Variants in TENT2 observed in about 807,000 individuals in gnomAD.
TENT2 encodes terminal nucleotidyltransferase 2, also known as poly(A) RNA polymerase GLD2.
In TENT2, 44 loss-of-function variants were observed where a neutral mutation model predicts 72.2. The observed-to-expected ratio is 0.61, with a 90% CI of 0.48 to 0.78. TENT2 has a LOEUF of 0.78. Ranked by LOEUF, TENT2 falls within the 30% of genes least tolerant of loss-of-function variation. The pLI, the probability that TENT2 is intolerant of heterozygous loss-of-function variation, is 0.00. For missense variants in TENT2, 541 were observed against 569.6 expected (o/e 0.95, Z 0.51); for synonymous variants, 212 against 192.5 (o/e 1.10, Z -0.84).
At chr5:79,678,847 C>A (rs543230083) in intron 12 of TENT2, among the ~76,000 whole-genome samples, 1 of 152,130 alleles carries the variant, frequency 6.6e-6, no homozygotes, top group East Asian at 1.9e-4. Flanking sequence ...ATTGTTACTG[C>A]GTTGTTAACT....
chr5:79,664,992 A>G (rs1806262577), intron 11 of TENT2, among the ~76,000 whole-genome samples: 2 of 152,202 alleles, frequency 1.3e-5, no homozygotes, highest in Admixed American at 6.5e-5. Context: ...TTATATACTT[A>G]CCTTGATCTC....
chr5:79,634,058 A>C (rs188816522), intron 4 of TENT2, among the ~76,000 whole-genome samples: 3 of 148,852 alleles, frequency 2.0e-5, no homozygotes, highest in East Asian at 2.0e-4. Flanking sequence ...AGTCCCAGCT[A>C]CTCGGGAGAA....
In TENT2 at chr5:79,679,587, G is replaced by T; in HGVS notation, c.1217G>T (p.Ser406Ile). 1 of 1,593,894 alleles carries T rather than the reference G, an allele frequency of 6.3e-7. No individual in the cohort carries two copies. Residue 406 changes from serine to isoleucine, a missense_variant, in exon 13 of 15, where the codon AGT (serine) becomes ATT (isoleucine). Transcript: ENST00000453514. ...KYYATEFDWNSQMISVREAKA... is the reference protein window; with the variant it reads ...KYYATEFDWNIQMISVREAKA... Reference sequence around the variant, plus strand: ...TGTTTTTCTTCTTATAGCTGGAATAGTCAAATGATTTCAGTTCGTGAAGCC... The same window carrying T: ...TGTTTTTCTTCTTATAGCTGGAATATTCAAATGATTTCAGTTCGTGAAGCC...
Position 79,623,326 on chromosome 5 carries a change from C to A in TENT2, c.302C>A (p.Thr101Asn), listed in dbSNP as rs1352738103. The A allele has an allele frequency of 9.9e-6, 16 of 1,613,504 alleles. No homozygotes were observed. The Admixed American group carries it at 2.3e-4, about 24-fold the overall frequency. ...QRFHSPHQEP[T>N]VVNQIVPLSG... ...TTCCATTCACCCCACCAAGAGCCAA[C>A]TGTAGTTAACCAGATAGTGCCTTTA... The change falls in exon 4 of 15, where the codon ACT (threonine) becomes AAT (asparagine). Residue 101 changes from threonine (T) to asparagine (N), a missense_variant. Thr to Asn is a moderately conservative substitution (Grantham distance 65). Transcript: ENST00000453514.
At chr5:79,618,701 G>A (rs986315124) in intron 1 of TENT2, among the ~76,000 whole-genome samples, 2 of 152,008 alleles carry the variant, frequency 1.3e-5, no homozygotes, top group Non-Finnish European at 2.9e-5. Flanking sequence ...AGAATATCAG[G>A]AGTCTAATTA....
At chr5:79,617,243 G>A (rs1760985567) in intron 1 of TENT2, among the ~76,000 whole-genome samples, 1 of 151,118 alleles carries the variant, frequency 6.6e-6, no homozygotes, top group South Asian at 2.1e-4. Flanking sequence ...TAAAACTTGT[G>A]ATATATAAAC....
intron 1 of TENT2, among the ~76,000 whole-genome samples, chr5:79,617,047 C>G (rs1393199916): frequency 2.0e-5 from 3 of 151,536 alleles, no homozygotes; most frequent in Non-Finnish European, 4.4e-5. Context: ...TTTTTCCAGC[C>G]CTCCTAGTCA....
chr5:79,679,712 G>A, intron 13 of TENT2, 42 bp downstream of exon 13: 1 of 1,143,840 alleles, frequency 8.7e-7, no homozygotes. Context: ...ATGGTACTAA[G>A]AGAATTACTT....
intron 1 of TENT2, among the ~76,000 whole-genome samples, chr5:79,618,154 T>TA (rs1235033143): frequency 2.0e-5 from 3 of 152,220 alleles, no homozygotes; most frequent in African/African-American, 7.2e-5. Flanking sequence ...TTCTTTCTAA[T>TA]ACATTTCCTC....
chr5:79,683,959 CTTTAATTT>C (rs1824510901), intron 14 of TENT2, among the ~76,000 whole-genome samples: 1 of 117,088 alleles, frequency 8.5e-6, no homozygotes, highest in South Asian at 2.8e-4. Flanking sequence ...AAAAGAAATT[CTTTAATTT>C]TAAAACAAAT....
intron 4 of TENT2, among the ~76,000 whole-genome samples, chr5:79,631,982 C>G (rs1035884240): frequency 2.0e-5 from 3 of 152,188 alleles, no homozygotes; most frequent in African/African-American, 7.2e-5. Flanking sequence ...CCCGTTTTCT[C>G]TCTCAATTAC....
intron 4 of TENT2, among the ~76,000 whole-genome samples, chr5:79,623,921 A>C (rs1190987568): frequency 6.6e-6 from 1 of 152,216 alleles, no homozygotes; most frequent in African/African-American, 2.4e-5. Context: ...AATACATTCA[A>C]AGTGATATAA....
At chr5:79,633,432 G>GTTTTTTTTTTTTTTT (rs539713889) in intron 4 of TENT2, among the ~76,000 whole-genome samples, 1 of 80,350 alleles carries the variant, frequency 1.2e-5, no homozygotes, top group Non-Finnish European at 2.3e-5. Flanking sequence ...CAGCTAAAAA[G>GTTTTTTTTTTTTTTT]TTTTTTTTTT....
intron 4 of TENT2, among the ~76,000 whole-genome samples, chr5:79,630,319 G>A (rs1387778567): frequency 5.3e-5 from 8 of 151,464 alleles, no homozygotes; most frequent in African/African-American, 1.2e-4. Flanking sequence ...GGAGCCAGGC[G>A]CAGTGGCTCA....
At chr5:79,651,417 G>A (rs191628332) in intron 10 of TENT2, among the ~76,000 whole-genome samples, 99 of 151,702 alleles carry the variant, frequency 6.5e-4, no homozygotes, top group Non-Finnish European at 1.2e-4. Flanking sequence ...AACCAAACTG[G>A]AGTTTTTATT....
chr5:79,623,313 C>T lies in TENT2; in HGVS notation c.289C>T (p.His97Tyr), dbSNP rs1156608860. The change falls in exon 4 of 15, where the codon CAC (histidine) becomes TAC (tyrosine). Residue 97 changes from histidine (H) to tyrosine (Y), a missense_variant. His to Tyr is a moderately conservative substitution (Grantham distance 83, BLOSUM62 2). Coordinates refer to ENST00000453514, the MANE Select transcript of TENT2 (RefSeq NM_001114394.3). ...DGKRQRFHSP[H>Y]QEPTVVNQIV... ...TAAACGGCAACGTTTCCATTCACCC[C>T]ACCAAGAGCCAACTGTAGTTAACCA... The T allele has an allele frequency of 1.2e-6, 2 of 1,613,184 alleles. No individual in the cohort carries two copies. The highest frequency in any genetic ancestry group is 1.7e-6 in the Non-Finnish European group (2 of 1,179,640).
rs1221741816 is a variant in TENT2, at chr5:79,688,076, T to C, written c.*2803T>C. The stretch of plus-strand genomic sequence containing the variant: ...GCTGTTTTCCCTCCTTATGCCCCAC[T>C]AGCTGATGTATCTGTACTGTAATTC... On this transcript the variant is annotated 3_prime_UTR_variant, in exon 15 of 15. Transcript: ENST00000453514. Among the ~76,000 whole-genome samples, 2 of 152,214 alleles carry C rather than the reference T, an allele frequency of 1.3e-5. No individual in the cohort carries two copies. Among genetic ancestry groups the C allele is most frequent in the Admixed American group, 6.5e-5 (1 of 15,286 alleles).
chr5:79,672,102 CA>C (rs35764855), intron 12 of TENT2, among the ~76,000 whole-genome samples: 10 of 143,378 alleles, frequency 7.0e-5, no homozygotes, highest in South Asian at 2.3e-4. Flanking sequence ...GACCCTGTCT[CA>C]AAAAAAAAAA....
At chr5:79,676,602 G>T (rs986089358) in intron 12 of TENT2, among the ~76,000 whole-genome samples, 1 of 151,986 alleles carries the variant, frequency 6.6e-6, no homozygotes, top group African/African-American at 2.4e-5. Context: ...TAAATAAAAA[G>T]AATGGCTAAA....
Sources: gnomAD v4.1 joint callset for allele counts (sites outside exome capture counted in the v4.1 genomes callset) on GRCh38, gnomAD v4.1.1 for gene constraint, MANE v1.5 for transcripts, NCBI Gene and HGNC (gene_info 2026-07-23, HGNC 2026-07-21) for gene names.